DCX: variants seen among roughly 807,000 people sequenced by gnomAD.
DCX encodes neuronal migration protein doublecortin.
In DCX, 4 loss-of-function variants were observed where a neutral mutation model predicts 20.9. The observed-to-expected ratio is 0.19, with a 90% CI of 0.09 to 0.44. The LOEUF (loss-of-function observed/expected upper bound fraction) is 0.44, where lower values mean the gene tolerates loss of function less well. Ranked by LOEUF, DCX falls within the 20% of genes least tolerant of loss-of-function variation. The pLI, the probability that DCX is intolerant of heterozygous loss-of-function variation, is 0.99. For synonymous variants in DCX, 103 were observed against 111.4 expected (o/e 0.92, Z 0.47); for missense variants, 133 against 296.9 (o/e 0.45, Z 4.06).
intron 2 of DCX, among the ~76,000 whole-genome samples, chrX:111,407,752 T>C (rs980228848): frequency 9.2e-6 from 1 of 108,608 alleles, no homozygotes; most frequent in Non-Finnish European, 1.9e-5. Context: ...ATTTATTGCC[T>C]ACCTATGTTG....
chrX:111,358,631 A>T (rs1028475146), intron 3 of DCX, among the ~76,000 whole-genome samples: 2 of 112,144 alleles, frequency 1.8e-5, no homozygotes, highest in East Asian at 2.8e-4. Flanking sequence ...ATCTTGCCAT[A>T]AGGACAAAAA....
At chrX:111,354,234 C>T (rs999460427) in intron 3 of DCX, among the ~76,000 whole-genome samples, 8 of 111,765 alleles carry the variant, frequency 7.2e-5, no homozygotes, top group African/African-American at 2.3e-4. Context: ...TCTCTAATAG[C>T]GGACATTCTC....
intron 3 of DCX, among the ~76,000 whole-genome samples, chrX:111,365,338 T>A (rs1467274908): frequency 9.1e-6 from 1 of 110,228 alleles, no homozygotes; most frequent in East Asian, 2.8e-4. Flanking sequence ...TTAATTTTTT[T>A]AAAATTAAAA....
chrX:111,366,782 T>C (rs184502577), intron 3 of DCX, among the ~76,000 whole-genome samples: 114 of 112,205 alleles, frequency 1.0e-3, no homozygotes, highest in South Asian at 4.5e-3. Flanking sequence ...AAGATGACTC[T>C]GGAGTGACTT....
intron 3 of DCX, among the ~76,000 whole-genome samples, chrX:111,391,029 C>A (rs1262652066): frequency 9.3e-6 from 1 of 107,983 alleles, no homozygotes; most frequent in Non-Finnish European, 1.9e-5. Context: ...AAATCCTTCA[C>A]TGGCTTCTGT....
intron 3 of DCX, among the ~76,000 whole-genome samples, chrX:111,349,293 G>A (rs945413437): frequency 9.0e-6 from 1 of 111,400 alleles, no homozygotes; most frequent in African/African-American, 3.3e-5. Context: ...CAGCTGTCGT[G>A]GAATCCCAGA....
chrX:111,344,560 T>C (rs1468874905), intron 3 of DCX, among the ~76,000 whole-genome samples: 1 of 111,498 alleles, frequency 9.0e-6, no homozygotes, highest in Admixed American at 9.6e-5. Context: ...ACAAAATCAA[T>C]GTGCAAAAAT....
intron 5 of DCX, among the ~76,000 whole-genome samples, chrX:111,318,322 C>T (rs191710159): frequency 0.023 from 2,391 of 105,582 alleles, 58 homozygotes; most frequent in African/African-American, 0.077. Flanking sequence ...CTCAAAGAAC[C>T]TAAAACTGAA....
At chrX:111,322,987 G>A (rs772521350) in intron 5 of DCX, among the ~76,000 whole-genome samples, 2 of 111,929 alleles carry the variant, frequency 1.8e-5, no homozygotes, top group Non-Finnish European at 3.8e-5. Flanking sequence ...TGACACAGAT[G>A]AGTTTCCCTC....
chrX:111,310,735 C>T (rs1260040127), intron 6 of DCX, among the ~76,000 whole-genome samples: 1 of 112,119 alleles, frequency 8.9e-6, no homozygotes, highest in African/African-American at 3.2e-5. Flanking sequence ...GTTAAGAAAA[C>T]AGTGAAGCTC....
At chrX:111,370,604 C>T (rs746972155) in intron 3 of DCX, among the ~76,000 whole-genome samples, 3 of 111,039 alleles carry the variant, frequency 2.7e-5, no homozygotes, top group South Asian at 3.8e-4. Flanking sequence ...CTCACAATAG[C>T]GTCAGAAATA....
chrX:111,315,915 T>G (rs1188510511), intron 5 of DCX, among the ~76,000 whole-genome samples: 1 of 39,634 alleles, frequency 2.5e-5, no homozygotes, highest in East Asian at 8.0e-4. Context: ...AATATCACAC[T>G]CTGGGGACTG....
chrX:111,371,021 T>G (rs756498506), intron 3 of DCX, among the ~76,000 whole-genome samples: 4 of 112,106 alleles, frequency 3.6e-5, no homozygotes, highest in African/African-American at 1.3e-4. Context: ...CCATCCTATT[T>G]TTAATGCATT....
intron 2 of DCX, among the ~76,000 whole-genome samples, chrX:111,406,419 A>G (rs1424045964): frequency 1.8e-5 from 2 of 112,121 alleles, no homozygotes; most frequent in Non-Finnish European, 3.8e-5. Context: ...ATCATTAATA[A>G]TAATAGTACC....
chrX:111,322,475 C>G (rs1438809083), intron 5 of DCX, among the ~76,000 whole-genome samples: 2 of 112,281 alleles, frequency 1.8e-5, no homozygotes, highest in Non-Finnish European at 3.8e-5. Flanking sequence ...TTTTCTCATA[C>G]TGAGATGCTC....
intron 3 of DCX, among the ~76,000 whole-genome samples, chrX:111,385,263 G>A (rs1926301728): frequency 8.9e-6 from 1 of 112,106 alleles, no homozygotes; most frequent in Non-Finnish European, 1.9e-5. Context: ...AATATGTTGG[G>A]TTTTCTGGTC....
At position 111,295,866 on chromosome X, in the gene DCX, T is replaced by A. The variant is rs888540844; in HGVS notation, c.*5821A>T. 5 of 111,249 alleles carry A rather than the reference T, an allele frequency of 4.5e-5. No homozygotes were observed. Among genetic ancestry groups the A allele is most frequent in the African/African-American group, 1.6e-4 (5 of 30,504 alleles). The allele number at this position is 111,249 out of a possible 1,213,427, so 9.2% of individuals were successfully genotyped here. On this transcript the variant is annotated 3_prime_UTR_variant, in exon 7 of 7. Transcript: ENST00000636035. ...TGCTGAGGGGGATTACGAATGAAAA[T>A]GGAGAAGAAGAAAGGGCCAGGATCA...
chrX:111,392,994 C>CT (rs1366128720), intron 3 of DCX, among the ~76,000 whole-genome samples: 3 of 110,877 alleles, frequency 2.7e-5, no homozygotes, highest in Non-Finnish European at 5.7e-5. Context: ...ATCAAGACCT[C>CT]TTTTTTCCCT....
chrX:111,352,695 G>C (rs763940283), intron 3 of DCX, among the ~76,000 whole-genome samples: 1 of 111,385 alleles, frequency 9.0e-6, no homozygotes, highest in African/African-American at 3.3e-5. Context: ...GTTTGGGCTG[G>C]CAATTACACT....
Sources: gnomAD v4.1 joint callset for allele counts (sites outside exome capture counted in the v4.1 genomes callset) on GRCh38, gnomAD v4.1.1 for gene constraint, MANE v1.5 for transcripts, NCBI Gene and HGNC (gene_info 2026-07-23, HGNC 2026-07-21) for gene names.